PRKCB: variants seen among roughly 807,000 people sequenced by gnomAD.
PRKCB encodes protein kinase C beta.
A neutral mutation model predicts 81.5 loss-of-function variants in PRKCB; 13 were observed. The observed-to-expected ratio is 0.16, with a 90% CI of 0.10 to 0.25. The LOEUF is 0.25. Among genes scored for constraint, PRKCB ranks in the 10% least tolerant of loss-of-function variants. The pLI is 1.00. For synonymous variants in PRKCB, 335 were observed against 321.4 expected (o/e 1.04, Z -0.45); for missense variants, 509 against 875.7 (o/e 0.58, Z 5.29).
chr16:24,188,523 AC>A (rs1967739952), intron 15 of PRKCB, among the ~76,000 whole-genome samples: 3 of 152,200 alleles, frequency 2.0e-5, no homozygotes, highest in South Asian at 4.2e-4. Flanking sequence ...GCTTTTGAAA[AC>A]AGTCACCTGT....
intron 10 of PRKCB, among the ~76,000 whole-genome samples, chr16:24,161,390 A>G (rs1402494345): frequency 6.6e-6 from 1 of 152,208 alleles, no homozygotes; most frequent in East Asian, 1.9e-4. Flanking sequence ...CACATGGAAA[A>G]GAATCAGAAG....
chr16:23,980,147 A>G (rs1452317878), intron 2 of PRKCB, among the ~76,000 whole-genome samples: 1 of 152,244 alleles, frequency 6.6e-6, no homozygotes, highest in African/African-American at 2.4e-5. Context: ...GCTCAGGTTA[A>G]GCACGGATAT....
chr16:23,959,539 G>A (rs905689519), intron 2 of PRKCB, among the ~76,000 whole-genome samples: 7 of 152,206 alleles, frequency 4.6e-5, no homozygotes, highest in African/African-American at 1.7e-4. Context: ...GCAGCGCCTC[G>A]CAGGAAAGCC....
In PRKCB at chr16:24,213,633, A is replaced by G. The variant is rs546247348; in HGVS notation, c.1864-1025A>G. ...TTATTACTCCTACTACTATTATACTATTAGGTTGTGGTTACCTCGTAGAGA... is the reference window on the plus strand; with the variant it reads ...TTATTACTCCTACTACTATTATACTGTTAGGTTGTGGTTACCTCGTAGAGA... On this transcript the variant is annotated intron_variant, in intron 16 of 16. Coordinates refer to ENST00000643927, the MANE Select transcript of PRKCB (RefSeq NM_002738.7). 2.6e-5 allele frequency among the ~76,000 whole-genome samples: 4 copies of G among 152,332 alleles called. No individual in the cohort carries two copies. In the South Asian group the frequency reaches 8.3e-4, roughly 32 times the overall value.
chr16:24,021,022 TTCTTTC>T (rs1965363306), intron 3 of PRKCB, among the ~76,000 whole-genome samples: 1 of 129,026 alleles, frequency 7.8e-6, no homozygotes, highest in Non-Finnish European at 1.7e-5. Flanking sequence ...CTTTCTTTCT[TTCTTTC>T]TTTCTTTCTT....
chr16:24,123,851 A>C lies in PRKCB; in HGVS notation c.935A>C (p.Gln312Pro). The change falls in exon 9 of 17, where the codon CAG (glutamine) becomes CCG (proline). Residue 312 changes from glutamine (Q) to proline (P), a missense_variant. Gln to Pro is a moderately conservative substitution (Grantham distance 76). Around this residue, in one of 6 missense-constraint regions of PRKCB, gnomAD observed 80 missense variants for 89.4 expected, o/e 0.90. Coordinates refer to ENST00000643927, the MANE Select transcript of PRKCB (RefSeq NM_002738.7). The part of the protein sequence containing the change: ...RQKFERAKIS[Q>P]GTKVPEEKTT... Reference sequence around the variant, plus strand: ...TTTTTGCAGAGGGCCAAGATCAGTCAGGGAACCAAGGTCCCGGAAGAAAAG... The same window carrying C: ...TTTTTGCAGAGGGCCAAGATCAGTCCGGGAACCAAGGTCCCGGAAGAAAAG... The C allele has an allele frequency of 6.2e-7, 1 of 1,614,176 alleles. No homozygotes were observed.
chr16:23,983,125 A>C (rs531669825), intron 2 of PRKCB, among the ~76,000 whole-genome samples: 1 of 152,044 alleles, frequency 6.6e-6, no homozygotes, highest in Admixed American at 6.6e-5. Context: ...AAAAAAAAAA[A>C]AACAGAAAAC....
chr16:23,993,236 A>C, intron 3 of PRKCB, among the ~76,000 whole-genome samples: 1 of 152,194 alleles, frequency 6.6e-6, no homozygotes, highest in East Asian at 1.9e-4. Context: ...TTAAGGGGGT[A>C]GGATAATGGT....
At chr16:24,173,120 C>A (rs1237346946) in intron 11 of PRKCB, among the ~76,000 whole-genome samples, 2 of 152,062 alleles carry the variant, frequency 1.3e-5, no homozygotes, top group Non-Finnish European at 2.9e-5. Flanking sequence ...TGCCTTCACT[C>A]CATGGGGGTG....
chr16:24,200,100 GTT>G (rs1967936009), intron 16 of PRKCB, among the ~76,000 whole-genome samples: 1 of 152,136 alleles, frequency 6.6e-6, no homozygotes. Flanking sequence ...AATCTTATTT[GTT>G]CCTTAGGGCT....
chr16:23,891,465 C>T (rs1366956859), intron 2 of PRKCB, among the ~76,000 whole-genome samples: 1 of 151,942 alleles, frequency 6.6e-6, no homozygotes, highest in Non-Finnish European at 1.5e-5. Flanking sequence ...TTCAATTTTT[C>T]CTGTTGAGAG....
At chr16:23,980,607 C>T (rs933454547) in intron 2 of PRKCB, among the ~76,000 whole-genome samples, 3 of 152,156 alleles carry the variant, frequency 2.0e-5, no homozygotes, top group African/African-American at 7.2e-5. Context: ...CTTCCAGAAA[C>T]TTAGCCTGTA....
intron 16 of PRKCB, 140 bp downstream of exon 16, chr16:24,191,370 C>A (rs759473138): frequency 2.5e-5 from 22 of 878,564 alleles, no homozygotes; most frequent in Admixed American, 1.5e-4. Context: ...CACACATATG[C>A]ACAAAATCAC....
intron 2 of PRKCB, among the ~76,000 whole-genome samples, chr16:23,838,941 T>C (rs1962216663): frequency 6.6e-6 from 1 of 152,232 alleles, no homozygotes. Context: ...TTCTAGAACT[T>C]TGACCCCTCA....
intron 3 of PRKCB, among the ~76,000 whole-genome samples, chr16:23,995,252 G>T (rs550638993): frequency 6.6e-6 from 1 of 152,240 alleles, no homozygotes; most frequent in African/African-American, 2.4e-5. Flanking sequence ...TACTTACCAA[G>T]GGGCCCCAAG....
chr16:24,212,201 T>TCTC (rs1968148847), intron 16 of PRKCB, among the ~76,000 whole-genome samples: 1 of 152,160 alleles, frequency 6.6e-6, no homozygotes, highest in South Asian at 2.1e-4. Context: ...CTCTCCTGGT[T>TCTC]CTCCTCCTGC....
At chr16:24,161,087 A>T (rs920947920) in intron 10 of PRKCB, among the ~76,000 whole-genome samples, 9 of 152,218 alleles carry the variant, frequency 5.9e-5, no homozygotes, top group African/African-American at 2.2e-4. Context: ...TCAGAATTTT[A>T]AAGATAAAAG....
intron 10 of PRKCB, among the ~76,000 whole-genome samples, chr16:24,160,043 A>C (rs1967229191): frequency 6.6e-6 from 1 of 152,090 alleles, no homozygotes; most frequent in African/African-American, 2.4e-5. Context: ...GATCACATCT[A>C]ATCTTCACAA....
intron 7 of PRKCB, among the ~76,000 whole-genome samples, chr16:24,111,943 T>C (rs1190443900): frequency 2.0e-5 from 3 of 152,202 alleles, no homozygotes; most frequent in Admixed American, 1.3e-4. Context: ...GAAAAAGGAA[T>C]TTGTATTCCA....
Sources: allele counts gnomAD v4.1 joint callset (sites outside exome capture counted in the v4.1 genomes callset), GRCh38; gene constraint gnomAD v4.1.1; regional missense constraint gnomAD v4.1.1; transcripts MANE v1.5; gene names NCBI Gene and HGNC (gene_info 2026-07-23, HGNC 2026-07-21).